The following CABLES1 variants were observed in gnomAD, a reference collection of about 807,000 sequenced individuals.
The protein encoded by CABLES1 is Cdk5 and Abl enzyme substrate 1.
Under a neutral mutation model 57.8 loss-of-function variants are expected in CABLES1, and 36 were observed. The ratio of observed to expected loss-of-function variants is 0.62; its 90% CI spans 0.48 to 0.82. CABLES1 has a LOEUF of 0.82. Ranked by LOEUF, CABLES1 falls within the 40% of genes least tolerant of loss-of-function variation. The probability of loss-of-function intolerance (pLI) is 0.00; values close to 1 mark genes in which losing one functional copy is unlikely to be tolerated. For synonymous variants in CABLES1, 374 were observed against 363.0 expected (o/e 1.03, Z -0.35); for missense variants, 767 against 836.6 (o/e 0.92, Z 1.03).
intron 4 of CABLES1, chr18:23,219,211 C>G (rs1438661662): frequency 1.3e-5 from 6 of 454,004 alleles, no homozygotes; most frequent in Non-Finnish European, 2.2e-5. Context: ...AAATGTCTCT[C>G]TGTGTGTGGA....
chr18:23,163,432 G>A (rs1206681162), intron 1 of CABLES1, among the ~76,000 whole-genome samples: 1 of 152,142 alleles, frequency 6.6e-6, no homozygotes. Context: ...AGTCCAACCT[G>A]GAGGGTCTTC....
intron 1 of CABLES1, among the ~76,000 whole-genome samples, chr18:23,156,920 C>T (rs1406687960): frequency 1.3e-5 from 2 of 152,102 alleles, no homozygotes; most frequent in Non-Finnish European, 2.9e-5. Flanking sequence ...AAATATGGCA[C>T]TAAAAATGCT....
intron 1 of CABLES1, among the ~76,000 whole-genome samples, chr18:23,145,199 A>G (rs968855658): frequency 7.2e-5 from 11 of 152,118 alleles, no homozygotes; most frequent in African/African-American, 2.4e-4. Context: ...GGCCTTCCAA[A>G]GTGCTGGGAT....
rs767746873 is a variant in CABLES1, at chr18:23,188,905, C to T, written c.913C>T (p.Arg305Trp). ...AGATATTGAGGAGAACGCCCCTCTCCGGAGGTAATTTTCTGTTTCATTTAT... is the reference window on the plus strand; with the variant it reads ...AGATATTGAGGAGAACGCCCCTCTCTGGAGGTAATTTTCTGTTTCATTTAT... ...LEDIEENAPL[R>W]RCRTLSGSPR... is the part of the protein sequence containing the mutation. The change falls in exon 2 of 10, where the codon CGG (arginine) becomes TGG (tryptophan). Residue 305 changes from arginine (R) to tryptophan (W), a missense_variant. Physicochemically the swap from Arg to Trp is moderately radical, Grantham distance 101 (BLOSUM62 -3). Coordinates refer to ENST00000256925, the MANE Select transcript of CABLES1 (RefSeq NM_001100619.3). 43 of 1,609,146 alleles carry T rather than the reference C, an allele frequency of 2.7e-5. No homozygotes were observed. The highest frequency in any genetic ancestry group is 6.6e-5 in the South Asian group (6 of 90,680).
intron 1 of CABLES1, among the ~76,000 whole-genome samples, chr18:23,156,444 G>A (rs935664399): frequency 1.3e-5 from 2 of 152,262 alleles, no homozygotes; most frequent in African/African-American, 4.8e-5. Context: ...CTGGACGTCA[G>A]TGCCTGTGCT....
chr18:23,239,060 AGATCT>A (rs1176115589), intron 7 of CABLES1, among the ~76,000 whole-genome samples: 4 of 152,228 alleles, frequency 2.6e-5, no homozygotes, highest in Non-Finnish European at 4.4e-5. Context: ...GGCTGGTGCT[AGATCT>A]GATCTTTTTT....
intron 1 of CABLES1, among the ~76,000 whole-genome samples, chr18:23,179,900 GTTTTGTTTTTGT>G (rs1425376854): frequency 6.6e-6 from 1 of 151,796 alleles, no homozygotes; most frequent in African/African-American, 2.4e-5. Context: ...AAACAGTTTT[GTTTTGTTTTTGT>G]TTTTATTTTT....
At chr18:23,153,400 A>G (rs531306092) in intron 1 of CABLES1, among the ~76,000 whole-genome samples, 43 of 151,972 alleles carry the variant, frequency 2.8e-4, no homozygotes, top group Non-Finnish European at 6.0e-4. Flanking sequence ...GACCAGCAAT[A>G]TTACCTTTTA....
rs1445032393 is a variant in CABLES1, at chr18:23,258,774, G to C, written c.*1407G>C. 1 of 152,198 alleles carries C rather than the reference G, an allele frequency of 6.6e-6. No homozygotes were observed. Among genetic ancestry groups the C allele is most frequent in the Admixed American group, 6.5e-5 (1 of 15,272 alleles). The allele number at this position is 152,198 out of a possible 1,614,324, so 9.4% of individuals were successfully genotyped here. A position where few individuals can be genotyped will look rare whatever the true frequency, so the allele number is the denominator to read the frequency against. On this transcript the variant is annotated 3_prime_UTR_variant, in exon 10 of 10. Coordinates refer to ENST00000256925, the MANE Select transcript of CABLES1 (RefSeq NM_001100619.3). Reference sequence around the variant, plus strand: ...ATTCGGAGCTTCACACACCAGCCCAGAGAAAGGGCGATGGAACCGAACCGA... The same window carrying C: ...ATTCGGAGCTTCACACACCAGCCCACAGAAAGGGCGATGGAACCGAACCGA...
At chr18:23,168,669 G>T (rs556638770) in intron 1 of CABLES1, among the ~76,000 whole-genome samples, 1 of 152,186 alleles carries the variant, frequency 6.6e-6, no homozygotes, top group Non-Finnish European at 1.5e-5. Context: ...GCAAAGCTGC[G>T]TCCCAGGCTA....
At chr18:23,216,542 G>A (rs2047443462) in intron 4 of CABLES1, among the ~76,000 whole-genome samples, 1 of 152,142 alleles carries the variant, frequency 6.6e-6, no homozygotes, top group Non-Finnish European at 1.5e-5. Flanking sequence ...CCATATTTCT[G>A]ACAGTAAAAA....
chr18:23,188,436 G>A (rs577557545), intron 1 of CABLES1, among the ~76,000 whole-genome samples: 7 of 152,180 alleles, frequency 4.6e-5, no homozygotes, highest in African/African-American at 1.4e-4. Flanking sequence ...ATCAGTTACC[G>A]GGTTCAAATC....
At chr18:23,145,373 G>A (rs1263642116) in intron 1 of CABLES1, among the ~76,000 whole-genome samples, 5 of 152,228 alleles carry the variant, frequency 3.3e-5, no homozygotes, top group African/African-American at 7.2e-5. Flanking sequence ...GATTACAGGT[G>A]TGAGCCACTG....
intron 7 of CABLES1, among the ~76,000 whole-genome samples, chr18:23,243,100 ATATC>A (rs1191774132): frequency 2.6e-5 from 4 of 151,514 alleles, no homozygotes; most frequent in East Asian, 1.9e-4. Flanking sequence ...AACTATATAT[ATATC>A]TATTTCCATT....
intron 1 of CABLES1, among the ~76,000 whole-genome samples, chr18:23,175,688 A>G (rs980808013): frequency 6.6e-6 from 1 of 152,160 alleles, no homozygotes; most frequent in Non-Finnish European, 1.5e-5. Flanking sequence ...AGCTCAAGCC[A>G]TCTGCCCACC....
In CABLES1 at chr18:23,186,827, C is replaced by A. The variant is rs550387950; in HGVS notation, c.846-2011C>A. 3.9e-5 allele frequency among the ~76,000 whole-genome samples: 6 copies of A among 152,334 alleles called. No homozygotes were observed. In the South Asian group the frequency reaches 1.2e-3, roughly 32 times the overall value. ...TTCTCCTGTGTAGAATTACACCACC[C>A]TGGATGGGTAACATGGGGTTTCTGC... is the stretch of plus-strand genomic sequence containing the variant. On this transcript the variant is annotated intron_variant, in intron 1 of 9. Transcript: ENST00000256925.
At chr18:23,205,414 G>A (rs2047356047) in intron 3 of CABLES1, among the ~76,000 whole-genome samples, 1 of 151,968 alleles carries the variant, frequency 6.6e-6, no homozygotes, top group Non-Finnish European at 1.5e-5. Flanking sequence ...GGCTGGTCTT[G>A]AACTGCTCAC....
chr18:23,185,218 G>A (rs1282975017), intron 1 of CABLES1, among the ~76,000 whole-genome samples: 2 of 152,162 alleles, frequency 1.3e-5, no homozygotes, highest in Non-Finnish European at 2.9e-5. Flanking sequence ...TGGGTCGTGT[G>A]CTTTTGTGGA....
At chr18:23,149,069 T>A (rs375131344) in intron 1 of CABLES1, among the ~76,000 whole-genome samples, 31 of 152,178 alleles carry the variant, frequency 2.0e-4, no homozygotes, top group African/African-American at 7.5e-4. Flanking sequence ...TTTTTTTGTA[T>A]TTTTAGTAGA....
Sources: gnomAD v4.1 joint callset for allele counts (sites outside exome capture counted in the v4.1 genomes callset) on GRCh38, gnomAD v4.1.1 for gene constraint, MANE v1.5 for transcripts, NCBI Gene and HGNC (gene_info 2026-07-23, HGNC 2026-07-21) for gene names.